HGSNAT: variants seen among roughly 807,000 people sequenced by gnomAD.
The protein encoded by HGSNAT is transmembrane protein 76.
Under a neutral mutation model 85.2 loss-of-function variants are expected in HGSNAT, and 59 were observed. That is an observed-to-expected ratio of 0.69 (90% confidence interval 0.56 to 0.86). HGSNAT has a LOEUF of 0.86. Among genes scored for constraint, HGSNAT ranks in the 40% least tolerant of loss-of-function variants. The pLI is 0.00. For synonymous variants in HGSNAT, 321 were observed against 304.5 expected, an observed-to-expected ratio of 1.05 and a Z score of -0.56; for missense variants, 756 against 777.1, an observed-to-expected ratio of 0.97 and a Z score of 0.32.
Position 43,155,388 on chromosome 8 carries a change from C to G in HGSNAT, c.235-3187C>G, listed in dbSNP as rs181733266. On this transcript the variant is annotated intron_variant, in intron 2 of 17. Transcript: ENST00000379644. ...GATTTTTATATCTTCTTTTTTTCCC[C>G]TGATACATAATAGTTGTATATGTCT... is the stretch of plus-strand genomic sequence containing the variant. Among the ~76,000 whole-genome samples, 18 of 152,116 alleles carry G rather than the reference C, an allele frequency of 1.2e-4. No homozygotes were observed. In the East Asian group the frequency reaches 2.9e-3, roughly 24 times the overall value.
chr8:43,192,557 G>A, intron 13 of HGSNAT, 127 bp downstream of exon 13: 1 of 1,065,614 alleles, frequency 9.4e-7, no homozygotes. Context: ...ATGATTATTT[G>A]AAAAGTCAGC....
intron 10 of HGSNAT, among the ~76,000 whole-genome samples, chr8:43,179,488 G>T (rs558161244): frequency 3.3e-5 from 4 of 121,156 alleles, no homozygotes; most frequent in Non-Finnish European, 5.3e-5. Flanking sequence ...CGGCCGGAAG[G>T]GGGGCTGACC....
chr8:43,147,457 G>A (rs1802754989), intron 2 of HGSNAT, among the ~76,000 whole-genome samples: 1 of 152,156 alleles, frequency 6.6e-6, no homozygotes, highest in South Asian at 2.1e-4. Flanking sequence ...CTGCCTCCCT[G>A]ATGATAACAA....
rs1365953690 is a variant in HGSNAT, at chr8:43,196,854, A to G, written c.1465-94A>G. ...CACCTAGTAGCGTGCCCAGCAAGTG[A>G]ATCTCTTTGTCAGGTAGTTAAGACA... On this transcript the variant is annotated intron_variant, in intron 14 of 17. Transcript: ENST00000379644. 1.4e-5 allele frequency: 11 copies of G among 794,066 alleles called. No homozygotes were observed. The African/African-American group carries it at 1.7e-4, about 12-fold the overall frequency. 49.2% of individuals were successfully genotyped at this position (794,066 alleles called of 1,614,324 possible).
chr8:43,154,037 ATTTTC>A (rs1436744050), intron 2 of HGSNAT, among the ~76,000 whole-genome samples: 3 of 150,460 alleles, frequency 2.0e-5, no homozygotes, highest in African/African-American at 5.0e-5. Context: ...TGACAAACTG[ATTTTC>A]TTTTCTTTTC....
At chr8:43,177,437 A>G (rs1002555496) in intron 9 of HGSNAT, among the ~76,000 whole-genome samples, 8 of 151,756 alleles carry the variant, frequency 5.3e-5, no homozygotes, top group African/African-American at 1.9e-4. Flanking sequence ...GGGCACCTGT[A>G]GTCCCAGCTA....
Position 43,191,467 on chromosome 8 carries a change from C to T in HGSNAT, c.1129-7C>T, listed in dbSNP as rs756262049. The T allele has an allele frequency of 5.0e-6, 8 of 1,611,610 alleles. No individual in the cohort carries two copies. Among genetic ancestry groups the T allele is most frequent in the Non-Finnish European group, 6.8e-6 (8 of 1,178,008 alleles). On this transcript the variant is annotated splice_polypyrimidine_tract_variant and splice_region_variant and intron_variant, in intron 11 of 17. Coordinates refer to ENST00000379644, the MANE Select transcript of HGSNAT (RefSeq NM_152419.3). ...CACCCGTGTTTTATTTTTCTGCCCC[C>T]ACTCAGGAGAGGAGCTGCCTTTCTC... is the stretch of plus-strand genomic sequence containing the variant.
chr8:43,145,503 A>G (rs1200357169), intron 1 of HGSNAT, among the ~76,000 whole-genome samples: 2 of 152,182 alleles, frequency 1.3e-5, no homozygotes, highest in Non-Finnish European at 2.9e-5. Context: ...CTATAATCCC[A>G]GCACTTTGGG....
At chr8:43,184,956 G>A (rs1247495570) in intron 11 of HGSNAT, among the ~76,000 whole-genome samples, 1 of 152,114 alleles carries the variant, frequency 6.6e-6, no homozygotes, top group African/African-American at 2.4e-5. Flanking sequence ...TAGATGTGTG[G>A]TATTATTTCT....
chr8:43,191,424 T>C (rs1057502917), intron 11 of HGSNAT, 50 bp from the exon 12 acceptor site: 2 of 1,596,864 alleles, frequency 1.3e-6, no homozygotes, highest in African/African-American at 2.7e-5. Flanking sequence ...CTTAGTTCCC[T>C]TCTATTTGCA....
Position 43,178,213 on chromosome 8 carries a change from C to T in HGSNAT, c.991C>T (p.Pro331Ser), listed in dbSNP as rs868865066. 1 of 1,550,380 alleles carries T rather than the reference C, an allele frequency of 6.5e-7. No homozygotes were observed. Among genetic ancestry groups the T allele is most frequent in the South Asian group, 1.3e-5 (1 of 78,862 alleles). ...CTGCATAGGAATTATCATTGTGAAT[C>T]CCAATTATTGCCTTGGTCCATGTAA... is the stretch of plus-strand genomic sequence containing the variant. ...LICIGIIIVN[P>S]NYCLGPLSWD... The change falls in exon 10 of 18, where the codon CCC (proline) becomes TCC (serine). Residue 331 changes from proline to serine, a missense_variant. Transcript: ENST00000379644.
chr8:43,162,425 A>G (rs557228960), intron 5 of HGSNAT, among the ~76,000 whole-genome samples: 2 of 152,306 alleles, frequency 1.3e-5, no homozygotes, highest in African/African-American at 4.8e-5. Context: ...TTTTTTAGGG[A>G]TAGAGGAAGA....
intron 13 of HGSNAT, among the ~76,000 whole-genome samples, chr8:43,193,091 G>A (rs1174408860): frequency 6.6e-6 from 1 of 152,138 alleles, no homozygotes; most frequent in Non-Finnish European, 1.5e-5. Context: ...TGGTGCGGAA[G>A]GCCCCCTGCA....
chr8:43,141,282 C>T (rs1206776683), intron 1 of HGSNAT, among the ~76,000 whole-genome samples: 2 of 151,758 alleles, frequency 1.3e-5, no homozygotes, highest in Admixed American at 1.3e-4. Flanking sequence ...TCCAGGGTGA[C>T]TGGGAAGCCG....
chr8:43,190,981 A>G (rs1311183932), intron 11 of HGSNAT, among the ~76,000 whole-genome samples: 1 of 152,176 alleles, frequency 6.6e-6, no homozygotes, highest in Non-Finnish European at 1.5e-5. Context: ...TGCTCTAGAC[A>G]GTCCGTATAC....
intron 4 of HGSNAT, among the ~76,000 whole-genome samples, chr8:43,160,315 C>T (rs1252728329): frequency 1.3e-5 from 2 of 152,128 alleles, no homozygotes; most frequent in Non-Finnish European, 2.9e-5. Context: ...CAGGATATGT[C>T]GCAACCCTTA....
chr8:43,164,374 C>CTT (rs542014382), intron 5 of HGSNAT, among the ~76,000 whole-genome samples: 1 of 146,198 alleles, frequency 6.8e-6, no homozygotes. Context: ...TCCAGCAATT[C>CTT]TTTTTTTTTT....
At chr8:43,145,429 A>G (rs1802681341) in intron 1 of HGSNAT, among the ~76,000 whole-genome samples, 1 of 152,188 alleles carries the variant, frequency 6.6e-6, no homozygotes, top group Non-Finnish European at 1.5e-5. Context: ...ACTGAGAGCT[A>G]AATAAGGGTA....
chr8:43,194,837 G>A (rs1276403243), intron 14 of HGSNAT, among the ~76,000 whole-genome samples: 1 of 152,184 alleles, frequency 6.6e-6, no homozygotes, highest in Non-Finnish European at 1.5e-5. Context: ...TACCATGTGA[G>A]GACAGAACAA....
Sources: allele counts gnomAD v4.1 joint callset (sites outside exome capture counted in the v4.1 genomes callset), GRCh38; gene constraint gnomAD v4.1.1; transcripts MANE v1.5; gene names NCBI Gene and HGNC (gene_info 2026-07-23, HGNC 2026-07-21).